PFDN1: variants seen among roughly 807,000 people sequenced by gnomAD.
PFDN1 encodes the protein prefoldin 1.
Under a neutral mutation model 17.3 loss-of-function variants are expected in PFDN1, and 6 were observed. The ratio of observed to expected loss-of-function variants is 0.35; its 90% CI spans 0.19 to 0.69. PFDN1 has a LOEUF of 0.69. PFDN1 is among the 30% of genes least tolerant of loss of function. PFDN1 has a pLI of 0.65. For missense variants in PFDN1, 113 were observed against 146.2 expected (o/e 0.77, Z 1.17); for synonymous variants, 58 against 50.1 (o/e 1.16, Z -0.67).
Position 140,283,646 on chromosome 5 carries a change from T to A in PFDN1, c.201-2113A>T, listed in dbSNP as rs572309798. ...ATGCAAAACAAGGATTAATTCCAGG[T>A]CTTTTACTATAGAACCCTTCATGTC... On this transcript the variant is annotated intron_variant, in intron 2 of 3. Coordinates refer to ENST00000261813, the MANE Select transcript of PFDN1 (RefSeq NM_002622.5). Among the ~76,000 whole-genome samples, 220 of 152,300 alleles carry A rather than the reference T, an allele frequency of 1.4e-3. 1 individual carries two copies. Among genetic ancestry groups the A allele is most frequent in the African/African-American group, 5.1e-3 (211 of 41,576 alleles).
At chr5:140,251,715 G>C (rs1764916697) in intron 3 of PFDN1, among the ~76,000 whole-genome samples, 1 of 152,188 alleles carries the variant, frequency 6.6e-6, no homozygotes, top group African/African-American at 2.4e-5. Flanking sequence ...GACAAACTCT[G>C]AGATTTCCTG....
chr5:140,293,565 C>A (rs1228476294), intron 2 of PFDN1, among the ~76,000 whole-genome samples: 3 of 151,908 alleles, frequency 2.0e-5, no homozygotes, highest in Admixed American at 2.0e-4. Context: ...TGGTGAGAAT[C>A]TTTAGACTGG....
intron 3 of PFDN1, among the ~76,000 whole-genome samples, chr5:140,246,321 G>C (rs542071454): frequency 1.2e-3 from 190 of 152,322 alleles, no homozygotes; most frequent in Non-Finnish European, 2.5e-3. Context: ...TCTTCCCCCA[G>C]AAGGAAGAAG....
chr5:140,280,014 C>CAAAAAAAAAAAAAAAAAA (rs5871731), intron 3 of PFDN1, among the ~76,000 whole-genome samples: 9 of 99,106 alleles, frequency 9.1e-5, no homozygotes, highest in African/African-American at 1.5e-4. Context: ...AAAAAAAAAA[C>CAAAAAAAAAAAAAAAAAA]AAAAAAAGAA....
chr5:140,258,804 C>T (rs1765023846), intron 3 of PFDN1, among the ~76,000 whole-genome samples: 1 of 152,096 alleles, frequency 6.6e-6, no homozygotes, highest in African/African-American at 2.4e-5. Flanking sequence ...TTCTGAGCTT[C>T]GTTTTGGGTT....
At chr5:140,260,212 TAAA>T (rs1019864181) in intron 3 of PFDN1, among the ~76,000 whole-genome samples, 3 of 151,330 alleles carry the variant, frequency 2.0e-5, no homozygotes, top group Non-Finnish European at 4.4e-5. Context: ...TAAAATAAAA[TAAA>T]AAACAGAAAA....
intron 3 of PFDN1, among the ~76,000 whole-genome samples, chr5:140,268,428 G>T (rs1352887398): frequency 2.0e-5 from 3 of 152,098 alleles, no homozygotes; most frequent in Admixed American, 2.0e-4. Context: ...AAGGTGGACC[G>T]CTTGAGGCCA....
chr5:140,268,237 A>G (rs1335143079), intron 3 of PFDN1, among the ~76,000 whole-genome samples: 1 of 152,250 alleles, frequency 6.6e-6, no homozygotes, highest in Non-Finnish European at 1.5e-5. Context: ...TGAAAAATGA[A>G]TAAAACGGTA....
At chr5:140,278,998 A>C (rs1382142135) in intron 3 of PFDN1, among the ~76,000 whole-genome samples, 1 of 140,454 alleles carries the variant, frequency 7.1e-6, no homozygotes, top group Admixed American at 7.3e-5. Flanking sequence ...GCTCATGGTA[A>C]GGAGCCCATG....
intron 2 of PFDN1, among the ~76,000 whole-genome samples, chr5:140,286,597 CGGGGGGGGGGGGGGGG>C (rs56267997): frequency 1.8e-4 from 5 of 27,346 alleles, no homozygotes; most frequent in South Asian, 9.1e-4. Flanking sequence ...ATTTTTTTTG[CGGGGGGGGGGGGGGGG>C]GGGGGGGCGG....
chr5:140,257,242 C>T (rs1395556681), intron 3 of PFDN1, among the ~76,000 whole-genome samples: 4 of 150,690 alleles, frequency 2.7e-5, no homozygotes, highest in African/African-American at 4.9e-5. Context: ...AAAAAAAAGC[C>T]TCTAATGGTT....
intron 2 of PFDN1, among the ~76,000 whole-genome samples, chr5:140,296,816 CTAG>C (rs1297703949): frequency 1.3e-5 from 2 of 152,102 alleles, no homozygotes; most frequent in Non-Finnish European, 2.9e-5. Flanking sequence ...ATAACACAAA[CTAG>C]TAGAAGGAGG....
intron 3 of PFDN1, among the ~76,000 whole-genome samples, chr5:140,252,816 G>A (rs1457552706): frequency 1.3e-5 from 2 of 152,242 alleles, no homozygotes; most frequent in African/African-American, 2.4e-5. Context: ...AAATGGGACA[G>A]CATGGCCACG....
At chr5:140,293,821 G>A (rs1322259821) in intron 2 of PFDN1, among the ~76,000 whole-genome samples, 1 of 152,008 alleles carries the variant, frequency 6.6e-6, no homozygotes, top group Admixed American at 6.6e-5. Context: ...CTGTGCAAGA[G>A]GAATGTGTGC....
At chr5:140,300,220 G>C (rs1481937622) in intron 2 of PFDN1, among the ~76,000 whole-genome samples, 196 bp downstream of exon 2, 7 of 151,962 alleles carry the variant, frequency 4.6e-5, no homozygotes, top group Admixed American at 2.6e-4. Context: ...TTGTATTTGT[G>C]GTAGATACAG....
At chr5:140,271,169 C>G (rs1765200537) in intron 3 of PFDN1, among the ~76,000 whole-genome samples, 1 of 152,070 alleles carries the variant, frequency 6.6e-6, no homozygotes, top group Admixed American at 6.5e-5. Flanking sequence ...CTGAAAGCCA[C>G]AAAGGAGGAT....
Position 140,280,153 on chromosome 5 carries a change from A to T in PFDN1, c.285+1296T>A, listed in dbSNP as rs190291439. 5.1e-3 allele frequency among the ~76,000 whole-genome samples: 779 copies of T among 152,106 alleles called. 1 individual carries two copies. Among genetic ancestry groups the T allele is most frequent in the Admixed American group, 7.9e-3 (121 of 15,290 alleles). ...ATATCATCTTCAATATTCATACACA[A>T]ATGTTTGTTTTTTGTTTTCATAAAG... On this transcript the variant is annotated intron_variant, in intron 3 of 3. Transcript: ENST00000261813.
intron 3 of PFDN1, among the ~76,000 whole-genome samples, chr5:140,268,957 T>C (rs1364240762): frequency 2.0e-5 from 3 of 152,228 alleles, no homozygotes; most frequent in Admixed American, 6.5e-5. Flanking sequence ...ATTTTAGATA[T>C]AGGTAGACAA....
chr5:140,296,924 A>G (rs941819228), intron 2 of PFDN1, among the ~76,000 whole-genome samples: 46 of 152,254 alleles, frequency 3.0e-4, no homozygotes, highest in Non-Finnish European at 5.3e-4. Flanking sequence ...CAGATTATGA[A>G]TAACCATGAA....
Sources: allele counts gnomAD v4.1 joint callset (sites outside exome capture counted in the v4.1 genomes callset), GRCh38; gene constraint gnomAD v4.1.1; transcripts MANE v1.5; gene names NCBI Gene and HGNC (gene_info 2026-07-23, HGNC 2026-07-21).